Variants in FCHSD2 observed in about 807,000 individuals in gnomAD.
FCHSD2 encodes F-BAR and double SH3 domains protein 2.
A neutral mutation model predicts 108.1 loss-of-function variants in FCHSD2; 38 were observed. The observed-to-expected ratio is 0.35, with a 90% confidence interval of 0.27 to 0.46. FCHSD2 has a LOEUF of 0.46. Among genes scored for constraint, FCHSD2 ranks in the 20% least tolerant of loss-of-function variants. The pLI, the probability that FCHSD2 is intolerant of heterozygous loss-of-function variation, is 1.00. For synonymous variants in FCHSD2, 279 were observed against 314.7 expected (o/e 0.89, Z 1.20); for missense variants, 751 against 897.8 (o/e 0.84, Z 2.09).
intron 2 of FCHSD2, among the ~76,000 whole-genome samples, chr11:73,108,835 T>TGCTGGGATTACAG (rs1458562144): frequency 6.6e-6 from 1 of 151,988 alleles, no homozygotes; most frequent in Non-Finnish European, 1.5e-5. Flanking sequence ...CCTCCCAAAG[T>TGCTGGGATTACAG]GCTGGGATTA....
At chr11:73,050,955 G>T (rs1014829257) in intron 3 of FCHSD2, among the ~76,000 whole-genome samples, 2 of 152,198 alleles carry the variant, frequency 1.3e-5, no homozygotes, top group East Asian at 3.8e-4. Flanking sequence ...TACAGAAATT[G>T]AGAGTAAGCA....
intron 14 of FCHSD2, among the ~76,000 whole-genome samples, chr11:72,846,739 T>C (rs1861155911): frequency 6.6e-6 from 1 of 152,206 alleles, no homozygotes; most frequent in Non-Finnish European, 1.5e-5. Context: ...CTGTATTTCT[T>C]TTAAAACAAT....
chr11:73,133,261 T>A (rs1461194381), intron 2 of FCHSD2, among the ~76,000 whole-genome samples: 1 of 152,218 alleles, frequency 6.6e-6, no homozygotes, highest in Non-Finnish European at 1.5e-5. Context: ...AGACATTCCA[T>A]TTTTAGGTAT....
chr11:73,082,815 GTCAAAATTT>G, intron 3 of FCHSD2, among the ~76,000 whole-genome samples: 1 of 152,222 alleles, frequency 6.6e-6, no homozygotes, highest in East Asian at 1.9e-4. Flanking sequence ...TGCTTAAAGG[GTCAAAATTT>G]TCAAACTGTA....
At chr11:73,045,037 TCCAGCCTGGGCG>T (rs1433758512) in intron 3 of FCHSD2, among the ~76,000 whole-genome samples, 2 of 146,716 alleles carry the variant, frequency 1.4e-5, no homozygotes, top group Non-Finnish European at 3.0e-5. Context: ...TCCACTGCAC[TCCAGCCTGGGCG>T]ACAGAGCAAG....
intron 8 of FCHSD2, among the ~76,000 whole-genome samples, chr11:72,961,207 T>C (rs1856812593): frequency 6.6e-6 from 1 of 152,158 alleles, no homozygotes; most frequent in Non-Finnish European, 1.5e-5. Context: ...TAGGTCATTT[T>C]GAATTGTATT....
rs375788859 is a variant in FCHSD2 at position 72,959,853 on chromosome 11, G to GGGGTGTGT, written c.705+24234_705+24235insACACACCC. 3.3e-3 allele frequency among the ~76,000 whole-genome samples: 487 copies of GGGGTGTGT among 145,890 alleles called. 30 individuals are homozygous for GGGGTGTGT. In the East Asian group the frequency reaches 0.092, roughly 28 times the overall value. On this transcript the variant is annotated intron_variant, in intron 8 of 19. Coordinates refer to ENST00000409418, the MANE Select transcript of FCHSD2 (RefSeq NM_014824.3). ...AATTTCCCTGATTTTAAGTTTCTAG[G>GGGGTGTGT]GTGTGTGTGTGTGTGTGTGTGTGTG...
At chr11:73,049,683 A>C (rs1858850850) in intron 3 of FCHSD2, among the ~76,000 whole-genome samples, 1 of 141,640 alleles carries the variant, frequency 7.1e-6, no homozygotes, top group Non-Finnish European at 1.5e-5. Flanking sequence ...TTAGAGTATA[A>C]TAAAAAAAAA....
At position 72,870,318 on chromosome 11, in the gene FCHSD2, T is replaced by C. The variant is rs754851481; in HGVS notation, c.1147-2292A>G. ...TTTAACTAAGTATGCCTGTTTGATA[T>C]AATTGGGGGCTCCTTTAAGACTCGA... On this transcript the variant is annotated intron_variant, in intron 12 of 19. Transcript: ENST00000409418. Among the ~76,000 whole-genome samples the C allele has an allele frequency of 7.2e-5, 11 of 152,336 alleles. No individual in the cohort carries two copies. The South Asian group carries it at 2.1e-3, about 29-fold the overall frequency.
chr11:73,005,762 C>T (rs1857726754), intron 4 of FCHSD2, among the ~76,000 whole-genome samples: 1 of 152,130 alleles, frequency 6.6e-6, no homozygotes, highest in Non-Finnish European at 1.5e-5. Flanking sequence ...CTACCTCAGC[C>T]TCCAAAGTGC....
chr11:73,115,444 C>T (rs1218304482), intron 2 of FCHSD2, among the ~76,000 whole-genome samples: 2 of 152,208 alleles, frequency 1.3e-5, no homozygotes, highest in Non-Finnish European at 2.9e-5. Flanking sequence ...CTGTGAGCCA[C>T]TGCGCCCGCC....
intron 2 of FCHSD2, among the ~76,000 whole-genome samples, chr11:73,098,680 C>T (rs1436156105): frequency 6.6e-6 from 1 of 151,910 alleles, no homozygotes; most frequent in Admixed American, 6.6e-5. Context: ...AAAGAATAGT[C>T]TCTTCAACAA....
chr11:73,050,192 G>T (rs1263362998), intron 3 of FCHSD2, among the ~76,000 whole-genome samples: 1 of 152,000 alleles, frequency 6.6e-6, no homozygotes, highest in Non-Finnish European at 1.5e-5. Context: ...GTATGTCCGT[G>T]GTCTAACAAA....
intron 2 of FCHSD2, among the ~76,000 whole-genome samples, chr11:73,129,528 A>C (rs989983167): frequency 5.3e-5 from 8 of 152,158 alleles, no homozygotes; most frequent in Non-Finnish European, 4.4e-5. Flanking sequence ...CCTCATGAGA[A>C]TCTAATGCCT....
intron 12 of FCHSD2, among the ~76,000 whole-genome samples, chr11:72,870,342 G>A (rs76916550): frequency 8.2e-4 from 124 of 152,082 alleles, no homozygotes; most frequent in African/African-American, 2.7e-3. Context: ...TTTAAGACTC[G>A]AGCATTGACA....
At chr11:72,909,341 A>T (rs550038627) in intron 9 of FCHSD2, among the ~76,000 whole-genome samples, 1 of 152,052 alleles carries the variant, frequency 6.6e-6, no homozygotes, top group Non-Finnish European at 1.5e-5. Context: ...TCAATGCTCA[A>T]TGTTGCCCAG....
chr11:73,099,583 G>A (rs1474570457), intron 2 of FCHSD2, among the ~76,000 whole-genome samples: 4 of 152,204 alleles, frequency 2.6e-5, no homozygotes, highest in Non-Finnish European at 5.9e-5. Flanking sequence ...TAAATAAAAT[G>A]TGGTATATAC....
intron 2 of FCHSD2, among the ~76,000 whole-genome samples, chr11:73,132,824 G>GAAA (rs35412486): frequency 2.6e-4 from 29 of 110,930 alleles, no homozygotes; most frequent in Non-Finnish European, 3.1e-4. Flanking sequence ...AACGGTAACA[G>GAAA]AAAAAAAAAA....
intron 13 of FCHSD2, among the ~76,000 whole-genome samples, chr11:72,857,416 T>C (rs927033865): frequency 6.7e-6 from 1 of 149,912 alleles, no homozygotes; most frequent in Non-Finnish European, 1.5e-5. Flanking sequence ...CTTTCTTAGA[T>C]GTTGTAAAAT....
Sources: allele counts gnomAD v4.1 joint callset (sites outside exome capture counted in the v4.1 genomes callset), GRCh38; gene constraint gnomAD v4.1.1; transcripts MANE v1.5; gene names NCBI Gene and HGNC (gene_info 2026-07-23, HGNC 2026-07-21).